NCKAP1: variants seen among roughly 807,000 people sequenced by gnomAD.
The protein encoded by NCKAP1 is nck-associated protein 1.
Under a neutral mutation model 151.2 loss-of-function variants are expected in NCKAP1, and 21 were observed. That is an observed-to-expected ratio of 0.14 (90% CI 0.10 to 0.20). NCKAP1 has a LOEUF of 0.20. Among genes scored for constraint, NCKAP1 ranks in the 10% least tolerant of loss-of-function variants. The pLI is 1.00. For synonymous variants in NCKAP1, 484 were observed against 451.8 expected (o/e 1.07, Z -0.90); for missense variants, 933 against 1,352.1 (o/e 0.69, Z 4.86).
At chr2:182,979,359 C>T (rs1045691563) in intron 13 of NCKAP1, among the ~76,000 whole-genome samples, 6 of 151,948 alleles carry the variant, frequency 3.9e-5, no homozygotes, top group Non-Finnish European at 5.9e-5. Context: ...TTACAACATG[C>T]ACTAAAAATG....
intron 27 of NCKAP1, among the ~76,000 whole-genome samples, chr2:182,929,185 T>G (rs545780304): frequency 6.6e-6 from 1 of 151,862 alleles, no homozygotes; most frequent in South Asian, 2.1e-4. Flanking sequence ...TGTAAGATTA[T>G]AGAACAAAAA....
chr2:182,977,737 A>G (rs1316745637), intron 14 of NCKAP1, among the ~76,000 whole-genome samples: 1 of 152,178 alleles, frequency 6.6e-6, no homozygotes, highest in Non-Finnish European at 1.5e-5. Context: ...TTGTTCAATA[A>G]TCATTAAAAG....
intron 2 of NCKAP1, among the ~76,000 whole-genome samples, chr2:183,007,180 G>A (rs965872338): frequency 6.6e-6 from 1 of 152,020 alleles, no homozygotes; most frequent in African/African-American, 2.4e-5. Context: ...GCCTCAATAC[G>A]CTAATACTTA....
chr2:183,027,033 T>C (rs1698911335), intron 1 of NCKAP1, among the ~76,000 whole-genome samples: 1 of 152,196 alleles, frequency 6.6e-6, no homozygotes, highest in Non-Finnish European at 1.5e-5. Context: ...TTATTCACTT[T>C]AAGCCTAAAC....
intron 23 of NCKAP1, among the ~76,000 whole-genome samples, chr2:182,944,670 C>T (rs1277344828): frequency 6.6e-6 from 1 of 151,932 alleles, no homozygotes; most frequent in African/African-American, 2.4e-5. Context: ...CACAAATTAC[C>T]CTATAAAACA....
intron 18 of NCKAP1, 44 bp from the exon 19 acceptor site, chr2:182,957,640 C>A (rs140136468): frequency 1.3e-6 from 2 of 1,587,450 alleles, no homozygotes; most frequent in Non-Finnish European, 1.7e-6. Context: ...ACCAATTACT[C>A]TGAAAGCATA....
intron 18 of NCKAP1, among the ~76,000 whole-genome samples, chr2:182,959,246 G>A (rs1276996489): frequency 2.6e-5 from 4 of 152,064 alleles, no homozygotes; most frequent in Admixed American, 1.3e-4. Context: ...AAATTTCTAC[G>A]GACATTTGCA....
intron 20 of NCKAP1, among the ~76,000 whole-genome samples, chr2:182,954,407 G>A (rs1346633071): frequency 6.6e-6 from 1 of 152,112 alleles, no homozygotes; most frequent in Non-Finnish European, 1.5e-5. Context: ...GATCTGTAAA[G>A]ATCTTAGACT....
chr2:183,031,800 T>C (rs189796029), intron 1 of NCKAP1, among the ~76,000 whole-genome samples: 2 of 152,222 alleles, frequency 1.3e-5, no homozygotes, highest in Non-Finnish European at 2.9e-5. Context: ...ATTACAAGAG[T>C]TAGAATCAAT....
rs1455431216 is a variant in NCKAP1, at chr2:182,981,285, G to A, written c.1300C>T (p.Leu434Phe). Reference protein sequence around the residue: ...PVMQRYYVQYLSGFDAVVLNE... With the variant: ...PVMQRYYVQYFSGFDAVVLNE... ...AGGACAACAGCATCAAAGCCAGAAA[G>A]GTACTGCACGTAATACCTCTGCATT... Residue 434 changes from leucine (L) to phenylalanine (F), a missense_variant, in exon 13 of 31, where the codon CTT becomes TTT. Around this residue, in one of 2 missense-constraint regions of NCKAP1, gnomAD observed 607 missense variants for 795.0 expected, o/e 0.76. Coordinates refer to ENST00000361354, the MANE Select transcript of NCKAP1 (RefSeq NM_013436.5). 6.2e-7 allele frequency: 1 copy of A among 1,613,672 alleles called. No homozygotes were observed. Among genetic ancestry groups the A allele is most frequent in the Non-Finnish European group, 8.5e-7 (1 of 1,179,688 alleles).
rs1251266593 is a variant in NCKAP1, at chr2:182,915,701, G to C, written c.*10001C>G. ...ACTATAGGAGGCATTTCTGTAAAGGGGTAAGATTACAGTTAAGTGTCTCAC... is the reference window on the plus strand; with the variant it reads ...ACTATAGGAGGCATTTCTGTAAAGGCGTAAGATTACAGTTAAGTGTCTCAC... On this transcript the variant is annotated 3_prime_UTR_variant, in exon 31 of 31. Coordinates refer to ENST00000361354, the MANE Select transcript of NCKAP1 (RefSeq NM_013436.5). 6.6e-6 allele frequency: 1 copy of C among 152,056 alleles called. No individual in the cohort carries two copies. The allele number at this position is 152,056 out of a possible 1,614,324, so 9.4% of individuals were successfully genotyped here. A position where few individuals can be genotyped will look rare whatever the true frequency, so the allele number is the denominator to read the frequency against.
At chr2:182,951,132 A>AT (rs1235106626) in intron 23 of NCKAP1, among the ~76,000 whole-genome samples, 1 of 151,876 alleles carries the variant, frequency 6.6e-6, no homozygotes, top group African/African-American at 2.4e-5. Context: ...CGCCTGGCTG[A>AT]AAGCTTGAGT....
intron 2 of NCKAP1, among the ~76,000 whole-genome samples, chr2:183,011,458 G>A (rs529256896): frequency 6.6e-6 from 1 of 152,252 alleles, no homozygotes; most frequent in Non-Finnish European, 1.5e-5. Flanking sequence ...TTACTCCCAA[G>A]CCCTAGGCAA....
chr2:183,002,319 T>G, intron 4 of NCKAP1, 50 bp from the exon 5 acceptor site: 1 of 1,257,162 alleles, frequency 8.0e-7, no homozygotes, highest in Non-Finnish European at 1.1e-6. Flanking sequence ...CTTAAAATTT[T>G]AAACACACAC....
At chr2:182,967,784 A>G (rs1448919127) in intron 15 of NCKAP1, among the ~76,000 whole-genome samples, 1 of 152,232 alleles carries the variant, frequency 6.6e-6, no homozygotes, top group Non-Finnish European at 1.5e-5. Flanking sequence ...CTGATTCACT[A>G]AAAACTGGAT....
intron 15 of NCKAP1, among the ~76,000 whole-genome samples, chr2:182,974,186 C>A (rs1032123747): frequency 2.8e-5 from 4 of 144,818 alleles, no homozygotes; most frequent in African/African-American, 1.0e-4. Flanking sequence ...TTCTCTACTT[C>A]TAGTGAACAC....
At chr2:183,029,821 G>GAAAAAAAAA (rs71405500) in intron 1 of NCKAP1, among the ~76,000 whole-genome samples, 1 of 50,720 alleles carries the variant, frequency 2.0e-5, no homozygotes, top group South Asian at 7.7e-4. Context: ...ACCCTGACTC[G>GAAAAAAAAA]AAAAAAAAAA....
intron 1 of NCKAP1, among the ~76,000 whole-genome samples, chr2:183,025,514 G>C (rs972501134): frequency 6.6e-6 from 1 of 152,076 alleles, no homozygotes; most frequent in Admixed American, 6.5e-5. Context: ...TAGGAATGCA[G>C]TAAGAAATCT....
Position 182,935,375 on chromosome 2 carries a change from G to A in NCKAP1, c.2696C>T (p.Ser899Phe). 1 of 1,537,332 alleles carries A rather than the reference G, an allele frequency of 6.5e-7. No individual in the cohort carries two copies. The highest frequency in any genetic ancestry group is 8.7e-7 in the Non-Finnish European group (1 of 1,146,010). Reference sequence around the variant, plus strand: ...CATCCTCTTCAAGACACTGTCAACAGCTAAATTCAAAGAAACAGAAGGAGA... The same window carrying A: ...CATCCTCTTCAAGACACTGTCAACAACTAAATTCAAAGAAACAGAAGGAGA... ...QMAALFKRLS[S>F]VDSVLKRMTI... The change falls in exon 25 of 31, where the codon TCT becomes TTT. Residue 899 changes from serine (S) to phenylalanine (F), a missense_variant and splice_region_variant. Ser to Phe is a radical substitution (Grantham distance 155). This residue lies in a region of NCKAP1 where 326 missense variants were observed against 557.1 expected (regional missense o/e 0.59). Transcript: ENST00000361354.
Sources: allele counts gnomAD v4.1 joint callset (sites outside exome capture counted in the v4.1 genomes callset), GRCh38; gene constraint gnomAD v4.1.1; regional missense constraint gnomAD v4.1.1; transcripts MANE v1.5; gene names NCBI Gene and HGNC (gene_info 2026-07-23, HGNC 2026-07-21).